WDR72: variants seen among roughly 807,000 people sequenced by gnomAD.
The protein encoded by WDR72 is WD repeat-containing protein 72.
WDR72 carries 120 observed loss-of-function variants against 124.2 expected under a neutral mutation model. The ratio of observed to expected loss-of-function variants is 0.97; its 90% confidence interval spans 0.83 to 1.12. WDR72 has a LOEUF of 1.12. Among genes scored for constraint, WDR72 ranks in the 50% most tolerant of loss-of-function variants. The pLI, the probability that WDR72 is intolerant of heterozygous loss-of-function variation, is 0.00. For missense variants in WDR72, 1,387 were observed against 1,278.8 expected (o/e 1.08, Z -1.29); for synonymous variants, 452 against 441.7 (o/e 1.02, Z -0.29).
chr15:53,682,222 A>G (rs148999180), intron 13 of WDR72, among the ~76,000 whole-genome samples: 3 of 152,346 alleles, frequency 2.0e-5, no homozygotes, highest in Admixed American at 1.3e-4. Context: ...TTGTAAAACT[A>G]TAAGATCAAG....
At position 53,663,344 on chromosome 15, in the gene WDR72, A is replaced by G. The variant is rs2015670907; in HGVS notation, c.1962+2228T>C. On this transcript the variant is annotated intron_variant, in intron 14 of 19. Coordinates refer to ENST00000360509, the MANE Select transcript of WDR72 (RefSeq NM_182758.4). ...AGTTTATGTCCGAATGTAAAGAATG[A>G]AAGTTTGAAATTGTAGTCATCTAAG... is the stretch of plus-strand genomic sequence containing the variant. Among the ~76,000 whole-genome samples, 4 of 152,142 alleles carry G rather than the reference A, an allele frequency of 2.6e-5. 1 individual carries two copies. The highest frequency in any genetic ancestry group is 5.9e-5 in the Non-Finnish European group (4 of 68,014).
intron 14 of WDR72, among the ~76,000 whole-genome samples, chr15:53,635,297 G>A (rs1389207672): frequency 2.0e-5 from 3 of 152,160 alleles, no homozygotes; most frequent in Non-Finnish European, 4.4e-5. Context: ...TTGAAACACA[G>A]CTTTTGCCTA....
intron 4 of WDR72, 122 bp from the exon 5 acceptor site, chr15:53,715,489 T>C: frequency 2.6e-6 from 3 of 1,166,198 alleles, no homozygotes; most frequent in Non-Finnish European, 3.7e-6. Flanking sequence ...TTGAACTGAA[T>C]AGCAACTAAA....
chr15:53,581,395 G>T (rs2011918555), intron 18 of WDR72, among the ~76,000 whole-genome samples: 1 of 151,920 alleles, frequency 6.6e-6, no homozygotes, highest in South Asian at 2.1e-4. Context: ...TAAATTATTG[G>T]AAAATTAAAC....
chr15:53,653,360 C>T lies in WDR72; in HGVS notation c.1962+12212G>A, dbSNP rs139740737. Among the ~76,000 whole-genome samples, 50 of 152,076 alleles carry T rather than the reference C, an allele frequency of 3.3e-4. No individual in the cohort carries two copies. In the East Asian group the frequency reaches 9.7e-3, roughly 29 times the overall value. On this transcript the variant is annotated intron_variant, in intron 14 of 19. Transcript: ENST00000360509. Reference sequence around the variant, plus strand: ...ACTGGAGTAGAGGGTAGAGAAGATACAAAATGAAATAAAAAGGATGCTGAG... The same window carrying T: ...ACTGGAGTAGAGGGTAGAGAAGATATAAAATGAAATAAAAAGGATGCTGAG...
upstream of WDR72, chr15:53,762,832 A>G (rs1285164501): frequency 2.0e-5 from 3 of 152,282 alleles, no homozygotes; most frequent in Non-Finnish European, 4.4e-5. Flanking sequence ...ACCCATAATA[A>G]TTTGGGGGCC....
intron 9 of WDR72, 34 bp from the exon 10 acceptor site, chr15:53,706,108 T>G (rs2017346896): frequency 1.9e-6 from 3 of 1,611,998 alleles, no homozygotes; most frequent in Non-Finnish European, 1.7e-6. Context: ...GTAGGAAATA[T>G]TCTAACTAGA....
chr15:53,717,063 G>T (rs541870243), intron 3 of WDR72, among the ~76,000 whole-genome samples: 4 of 152,076 alleles, frequency 2.6e-5, no homozygotes, highest in African/African-American at 7.2e-5. Flanking sequence ...AATGCATCAA[G>T]CGCTGCATCT....
rs895134949 is a variant in WDR72, at chr15:53,517,055, T to C, written c.*644A>G. ...CTAAAGACATTAGCCTCAATGTCAT[T>C]AGAAGTTCAAATTAACTCAACAGTA... On this transcript the variant is annotated 3_prime_UTR_variant, in exon 20 of 20. Coordinates refer to ENST00000360509, the MANE Select transcript of WDR72 (RefSeq NM_182758.4). 3 of 152,706 alleles carry C rather than the reference T, an allele frequency of 2.0e-5. No homozygotes were observed. Among genetic ancestry groups the C allele is most frequent in the Non-Finnish European group, 2.9e-5 (2 of 68,440 alleles). The allele number at this position is 152,706 out of a possible 1,614,324, so 9.5% of individuals were successfully genotyped here.
At chr15:53,748,231 T>A (rs1341737023) in intron 1 of WDR72, among the ~76,000 whole-genome samples, 1 of 152,162 alleles carries the variant, frequency 6.6e-6, no homozygotes, top group Non-Finnish European at 1.5e-5. Context: ...TGCGTGTGTA[T>A]AAATTCTGCA....
chr15:53,612,832 G>A (rs2013602228), intron 16 of WDR72, among the ~76,000 whole-genome samples: 1 of 151,912 alleles, frequency 6.6e-6, no homozygotes, highest in African/African-American at 2.4e-5. Context: ...TCAAGAATAG[G>A]AACAGAGAGA....
chr15:53,618,635 T>C (rs1353427801), intron 14 of WDR72, among the ~76,000 whole-genome samples: 2 of 152,044 alleles, frequency 1.3e-5, no homozygotes, highest in Admixed American at 6.6e-5. Context: ...TCTGATGCAG[T>C]TGAGAAGTCA....
chr15:53,543,963 A>T (rs1482795564), intron 18 of WDR72, among the ~76,000 whole-genome samples: 8 of 152,242 alleles, frequency 5.3e-5, no homozygotes, highest in Non-Finnish European at 1.2e-4. Flanking sequence ...TGAACCAGGA[A>T]GAAGTTGAAT....
At chr15:53,587,068 T>C (rs2012250660) in intron 18 of WDR72, among the ~76,000 whole-genome samples, 1 of 152,054 alleles carries the variant, frequency 6.6e-6, no homozygotes, top group African/African-American at 2.4e-5. Flanking sequence ...GACACTTTAT[T>C]GGCATTTAGC....
intron 16 of WDR72, among the ~76,000 whole-genome samples, chr15:53,612,014 TC>T (rs1158319687): frequency 6.6e-6 from 1 of 152,120 alleles, no homozygotes; most frequent in Non-Finnish European, 1.5e-5. Context: ...GGGATCACAT[TC>T]CCATTTTACA....
chr15:53,520,107 C>T (rs1406811887), intron 19 of WDR72, among the ~76,000 whole-genome samples: 3 of 125,282 alleles, frequency 2.4e-5, no homozygotes, highest in South Asian at 2.5e-4. Flanking sequence ...TATGAAAATA[C>T]GTTCGTATTC....
chr15:53,710,683 G>T (rs1423934615), intron 9 of WDR72, among the ~76,000 whole-genome samples, 174 bp downstream of exon 9: 3 of 152,126 alleles, frequency 2.0e-5, no homozygotes, highest in East Asian at 3.9e-4. Flanking sequence ...GATTTTTAAA[G>T]ACAAAGTTTT....
At chr15:53,596,281 T>C (rs1381057836) in intron 18 of WDR72, among the ~76,000 whole-genome samples, 1 of 152,162 alleles carries the variant, frequency 6.6e-6, no homozygotes, top group Non-Finnish European at 1.5e-5. Context: ...TACAATAAAG[T>C]TGAAAATTAA....
chr15:53,537,088 T>C lies in WDR72; in HGVS notation c.3149-13766A>G, dbSNP rs74017422. On this transcript the variant is annotated intron_variant, in intron 18 of 19. Transcript: ENST00000360509. ...CTCCTTAATCTCACATTAAATCTAA[T>C]AGATTGCTGACTTATACTGAGCATG... 7.7e-3 allele frequency among the ~76,000 whole-genome samples: 1,177 copies of C among 152,316 alleles called. 13 individuals carry two copies. Among genetic ancestry groups the C allele is most frequent in the African/African-American group, 0.027 (1,135 of 41,572 alleles).
Sources: allele counts gnomAD v4.1 joint callset (sites outside exome capture counted in the v4.1 genomes callset), GRCh38; gene constraint gnomAD v4.1.1; transcripts MANE v1.5; gene names NCBI Gene and HGNC (gene_info 2026-07-23, HGNC 2026-07-21).